The following KCNG2 variants were observed in gnomAD, a reference collection of about 807,000 sequenced individuals.
KCNG2 encodes potassium voltage-gated channel modifier subfamily G member 2, also known as voltage-gated potassium channel regulatory subunit KCNG2.
KCNG2 carries 7 observed loss-of-function variants against 12.3 expected under a neutral mutation model. The ratio of observed to expected loss-of-function variants is 0.57; its 90% CI spans 0.32 to 1.07. The LOEUF is 1.07. KCNG2 is among the 50% of genes least tolerant of loss of function. The pLI, the probability that KCNG2 is intolerant of heterozygous loss-of-function variation, is 0.04. For missense variants in KCNG2, 703 were observed against 726.0 expected (o/e 0.97, Z 0.36); for synonymous variants, 414 against 351.4 (o/e 1.18, Z -1.99).
rs1053270670 is a variant in KCNG2 at position 79,899,240 on chromosome 18, C to A, written c.825C>A (p.Gly275=). ...SLLLGLAAGP[G]GTKLLERAGL... is the part of the protein sequence containing the mutation. ...TGCTGGGGCTGGCGGCAGGCCCGGG[C>A]GGGACCAAGCTCCTGGAGCGCGCGG... Residue 275 remains glycine, a synonymous_variant, in exon 4 of 4, where the codon GGC becomes GGA. Coordinates refer to ENST00000316249, the MANE Select transcript of KCNG2 (RefSeq NM_012283.2). 5.0e-6 allele frequency: 8 copies of A among 1,596,652 alleles called. No homozygotes were observed. Among genetic ancestry groups the A allele is most frequent in the Admixed American group, 1.7e-5 (1 of 59,624 alleles).
intron 1 of KCNG2, among the ~76,000 whole-genome samples, chr18:79,837,901 C>G (rs1978350583): frequency 6.6e-6 from 1 of 152,108 alleles, no homozygotes; most frequent in African/African-American, 2.4e-5. Context: ...ATTTTCACGC[C>G]TATACAGAAC....
chr18:79,899,079 G>T lies in KCNG2; in HGVS notation c.664G>T (p.Glu222Ter). ...SPKCRSLFVL[E>*]TVCVAWFSFE... ...CAAGTGCCGCAGCCTGTTCGTGCTG[G>T]AGACCGTGTGCGTGGCCTGGTTCTC... The change falls in exon 4 of 4, where the codon GAG becomes TAG. Residue 222 changes from glutamate (E) to a stop codon, truncating the protein, a stop_gained. Transcript: ENST00000316249. LOFTEE classifies it low-confidence loss of function (END_TRUNC). 1 of 1,596,428 alleles carries T rather than the reference G, an allele frequency of 6.3e-7. No individual in the cohort carries two copies.
intron 1 of KCNG2, among the ~76,000 whole-genome samples, chr18:79,809,219 G>A (rs2087472471): frequency 2.1e-5 from 1 of 46,984 alleles, no homozygotes; most frequent in Non-Finnish European, 4.0e-5. Flanking sequence ...AGGAGCTGCC[G>A]GGGCCGCGCT....
chr18:79,811,750 A>G (rs2087495742), intron 1 of KCNG2, among the ~76,000 whole-genome samples: 1 of 152,260 alleles, frequency 6.6e-6, no homozygotes. Context: ...GAAGGAATAG[A>G]AAATCTTAGC....
chr18:79,854,519 C>G (rs1443065184), intron 1 of KCNG2, among the ~76,000 whole-genome samples: 1 of 140,102 alleles, frequency 7.1e-6, no homozygotes, highest in African/African-American at 2.6e-5. Flanking sequence ...TTATACATTG[C>G]CTTTCATTGG....
In KCNG2 at chr18:79,845,281, G is replaced by A. The variant is rs543953079; in HGVS notation, c.-114-11098G>A. ...GGTTCAGGAGGAGGTGGCTGGGAAG[G>A]CAGGGGGTGTGGCTGTGAATCCGCA... On this transcript the variant is annotated intron_variant, in intron 1 of 3. Coordinates refer to ENST00000316249, the MANE Select transcript of KCNG2 (RefSeq NM_012283.2). 7.9e-5 allele frequency among the ~76,000 whole-genome samples: 12 copies of A among 152,368 alleles called. No individual in the cohort carries two copies. The East Asian group carries it at 2.1e-3, about 27-fold the overall frequency.
At position 79,899,294 on chromosome 18, in the gene KCNG2, G is replaced by GCGCGTGCTCTA; in HGVS notation, c.882_892dup (p.Val298AlafsTer5). The GCGCGTGCTCTA allele has an allele frequency of 6.4e-7, 1 of 1,569,188 alleles. No homozygotes were observed. The highest frequency in any genetic ancestry group is 1.8e-5 in the Admixed American group (1 of 54,782). On this transcript the variant is annotated frameshift_variant, in exon 4 of 4. Transcript: ENST00000316249. LOFTEE classifies it low-confidence loss of function (END_TRUNC). ...TGGTGCTGCGGCTGCTGCGTGCGCT[G>GCGCGTGCTCTA]CGCGTGCTCTACGTGATGCGCCTGG...
chr18:79,852,458 T>C (rs187694581), intron 1 of KCNG2, among the ~76,000 whole-genome samples: 1 of 152,370 alleles, frequency 6.6e-6, no homozygotes, highest in Admixed American at 6.5e-5. Context: ...CATAAGCGAT[T>C]TCGACTTTAA....
At chr18:79,842,266 A>G (rs1375408823) in intron 1 of KCNG2, among the ~76,000 whole-genome samples, 5 of 152,148 alleles carry the variant, frequency 3.3e-5, no homozygotes, top group Admixed American at 3.3e-4. Flanking sequence ...TTGTAAACCC[A>G]GGCAGCAAGC....
chr18:79,859,677 G>T (rs1292497284), intron 2 of KCNG2, among the ~76,000 whole-genome samples: 5 of 152,108 alleles, frequency 3.3e-5, no homozygotes, highest in African/African-American at 1.2e-4. Context: ...ACGATAGCAG[G>T]GTCCAACTTT....
chr18:79,863,547 C>T (rs971438938), intron 2 of KCNG2, 81 bp from the exon 3 acceptor site: 2 of 1,070,408 alleles, frequency 1.9e-6, no homozygotes, highest in Non-Finnish European at 2.3e-6. Context: ...TCGGTGCCGG[C>T]CCGGCCCCTG....
At chr18:79,876,567 G>T (rs1980080270) in intron 3 of KCNG2, among the ~76,000 whole-genome samples, 1 of 152,252 alleles carries the variant, frequency 6.6e-6, no homozygotes, top group Non-Finnish European at 1.5e-5. Flanking sequence ...GTCCCGGGAA[G>T]GATGCCCTCT....
At chr18:79,880,132 G>A (rs1419642523) in intron 3 of KCNG2, among the ~76,000 whole-genome samples, 1 of 152,138 alleles carries the variant, frequency 6.6e-6, no homozygotes, top group African/African-American at 2.4e-5. Context: ...TGAAGGTGGG[G>A]TGTGTGGGAG....
chr18:79,800,578 G>A lies in KCNG2; in HGVS notation c.-115+2564G>A, dbSNP rs1395640608. The stretch of plus-strand genomic sequence containing the variant: ...CTGCCTCTGACGAGACATGTACCCC[G>A]CCTTCCCGTGTGGGAGGCACTCAGG... On this transcript the variant is annotated intron_variant, in intron 1 of 3. Coordinates refer to ENST00000316249, the MANE Select transcript of KCNG2 (RefSeq NM_012283.2). This position sits in a 1 kb window ranked among gnomAD's most constrained non-coding sequence, Gnocchi z 4.0. Among the ~76,000 whole-genome samples, 1 of 152,224 alleles carries A rather than the reference G, an allele frequency of 6.6e-6. No homozygotes were observed. The highest frequency in any genetic ancestry group is 1.5e-5 in the Non-Finnish European group (1 of 68,030).
intron 1 of KCNG2, among the ~76,000 whole-genome samples, chr18:79,809,458 C>T (rs2087475343): frequency 1.4e-5 from 2 of 145,086 alleles, no homozygotes; most frequent in Non-Finnish European, 1.5e-5. Context: ...GAGGAGCTGC[C>T]GGGGCCGCGC....
intron 3 of KCNG2, among the ~76,000 whole-genome samples, chr18:79,872,626 T>C (rs1163274559): frequency 1.3e-5 from 2 of 152,188 alleles, no homozygotes; most frequent in Non-Finnish European, 2.9e-5. Context: ...CCGGTCTCTC[T>C]TCTTGCTGCA....
intron 1 of KCNG2, among the ~76,000 whole-genome samples, chr18:79,842,086 C>T (rs1555692848): frequency 6.6e-6 from 1 of 152,200 alleles, no homozygotes; most frequent in South Asian, 2.1e-4. Flanking sequence ...CCTCCAGGCC[C>T]ACCCTAGCTC....
chr18:79,839,038 T>C (rs1255260710), intron 1 of KCNG2, among the ~76,000 whole-genome samples: 1 of 152,198 alleles, frequency 6.6e-6, no homozygotes, highest in African/African-American at 2.4e-5. Flanking sequence ...GGCTCACACC[T>C]GTAACCCCAG....
chr18:79,882,343 C>T (rs1980330208), intron 3 of KCNG2, among the ~76,000 whole-genome samples: 1 of 152,036 alleles, frequency 6.6e-6, no homozygotes, highest in South Asian at 2.1e-4. Context: ...ACCCTCATCT[C>T]TATTAAAAAA....
Sources: gnomAD v4.1 joint callset for allele counts (sites outside exome capture counted in the v4.1 genomes callset) on GRCh38, gnomAD v4.1.1 for gene constraint, Gnocchi (gnomAD v3.1) non-coding constraint, MANE v1.5 for transcripts, NCBI Gene and HGNC (gene_info 2026-07-23, HGNC 2026-07-21) for gene names.